The following APH1B variants were observed in gnomAD, a reference collection of about 807,000 sequenced individuals.
APH1B encodes aph-1B gamma-secretase subunit.
A neutral mutation model predicts 28.2 loss-of-function variants in APH1B; 27 were observed. The ratio of observed to expected loss-of-function variants is 0.96; its 90% CI spans 0.70 to 1.32. APH1B has a LOEUF of 1.32. Ranked by LOEUF, APH1B falls within the 40% of genes most tolerant of loss-of-function variation. The pLI is 0.00. For synonymous variants in APH1B, 141 were observed against 124.6 expected (o/e 1.13, Z -0.88); for missense variants, 305 against 313.6 (o/e 0.97, Z 0.21).
intron 1 of APH1B, 80 bp from the exon 2 acceptor site, chr15:63,279,080 GT>G (rs35859954): frequency 0.038 from 34,842 of 910,294 alleles, 2 homozygotes; most frequent in Non-Finnish European, 0.042. Context: ...TCTCAAGCAG[GT>G]TTTTTTTTTT....
At chr15:63,302,322 A>T (rs1340388962) in intron 4 of APH1B, 23 bp from the exon 5 acceptor site, 1 of 1,612,186 alleles carries the variant, frequency 6.2e-7, no homozygotes, top group Non-Finnish European at 8.5e-7. Context: ...TAGGAGTGAC[A>T]CTAATGGTCG....
chr15:63,286,042 C>T lies in APH1B; in HGVS notation c.285-516C>T, dbSNP rs1032185423. 7.6e-4 allele frequency among the ~76,000 whole-genome samples: 116 copies of T among 152,158 alleles called. 1 individual carries two copies. The highest frequency in any genetic ancestry group is 1.9e-4 in the East Asian group (1 of 5,206). ...TTGGTAGGCAGCTTCTTTAACAAAT[C>T]GCTGCCTGAAGTGGACTCTGAAGGA... On this transcript the variant is annotated intron_variant, in intron 2 of 5. Transcript: ENST00000261879.
chr15:63,297,116 T>G (rs2038576626), intron 4 of APH1B, among the ~76,000 whole-genome samples: 1 of 152,374 alleles, frequency 6.6e-6, no homozygotes, highest in African/African-American at 2.4e-5. Context: ...TTATTCCGCT[T>G]TCTGATTAAT....
chr15:63,298,355 T>C (rs373094219), intron 4 of APH1B, among the ~76,000 whole-genome samples: 1 of 152,132 alleles, frequency 6.6e-6, no homozygotes, highest in African/African-American at 2.4e-5. Flanking sequence ...AAACTACAGC[T>C]GCACACTGCC....
intron 3 of APH1B, 182 bp from the exon 4 acceptor site, chr15:63,287,242 C>A: frequency 1.5e-6 from 1 of 686,232 alleles, no homozygotes; most frequent in Non-Finnish European, 2.4e-6. Flanking sequence ...TTCCTCTTCC[C>A]GCTTCCCTCT....
At chr15:63,295,517 AGAGCCTTCTCAG>A (rs2038556173) in intron 4 of APH1B, among the ~76,000 whole-genome samples, 1 of 152,250 alleles carries the variant, frequency 6.6e-6, no homozygotes, top group African/African-American at 2.4e-5. Context: ...GGTTCTTCAA[AGAGCCTTCTCAG>A]GATCAGTGAG....
rs141237680 is a variant in APH1B at position 63,299,594 on chromosome 15, C to T, written c.479-2751C>T. Among the ~76,000 whole-genome samples the T allele has an allele frequency of 2.0e-3, 306 of 152,066 alleles. 1 individual carries two copies. Among genetic ancestry groups the T allele is most frequent in the African/African-American group, 7.0e-3 (292 of 41,482 alleles). On this transcript the variant is annotated intron_variant, in intron 4 of 5. Transcript: ENST00000261879. ...TAATTTTTTGTATTTTTAGTACAGA[C>T]GGGGTTTTACCGTGTTAGCCAGGAT...
rs199721473 is a variant in APH1B at position 63,305,997 on chromosome 15, A to G, written c.*216A>G. ...GCACGAGAATCACCTGGGACAGTGT[A>G]AAGCCGACTGATTCTGGGCTCCACC... On this transcript the variant is annotated 3_prime_UTR_variant, in exon 6 of 6. Transcript: ENST00000261879. The G allele has an allele frequency of 9.3e-5, 52 of 556,166 alleles. No individual in the cohort carries two copies. The highest frequency in any genetic ancestry group is 7.5e-5 in the Admixed American group (2 of 26,560). The allele number at this position is 556,166 out of a possible 1,614,324, so 34.5% of individuals were successfully genotyped here. A position where few individuals can be genotyped will look rare whatever the true frequency, so the allele number is the denominator to read the frequency against.
At chr15:63,278,191 C>A in intron 1 of APH1B, 1 of 417,784 alleles carries the variant, frequency 2.4e-6, no homozygotes, top group South Asian at 1.7e-5. Context: ...ATGCCCACCC[C>A]CACCCCGATC....
chr15:63,300,601 G>C (rs1037930761), intron 4 of APH1B, among the ~76,000 whole-genome samples: 1 of 152,100 alleles, frequency 6.6e-6, no homozygotes, highest in Non-Finnish European at 1.5e-5. Flanking sequence ...CCTTTTCCGG[G>C]GTCATCACCG....
intron 2 of APH1B, among the ~76,000 whole-genome samples, chr15:63,280,145 T>C (rs2038370348): frequency 6.6e-6 from 1 of 152,182 alleles, no homozygotes. Context: ...ATTTTGACTT[T>C]AGTAGGGGAA....
intron 4 of APH1B, among the ~76,000 whole-genome samples, chr15:63,288,260 G>C (rs531718414): frequency 6.6e-6 from 1 of 152,084 alleles, no homozygotes; most frequent in South Asian, 2.1e-4. Flanking sequence ...AGCTCCTCAG[G>C]GAGCTTATCC....
chr15:63,281,017 T>A lies in APH1B; in HGVS notation c.284+1686T>A, dbSNP rs183203531. On this transcript the variant is annotated intron_variant, in intron 2 of 5. Transcript: ENST00000261879. ...TACAAAAATTAACTGGGCATAGTGG[T>A]CCCAGCTCCTCGGGAGGTTGAGGTG... Among the ~76,000 whole-genome samples, 58 of 152,054 alleles carry A rather than the reference T, an allele frequency of 3.8e-4. 1 individual carries two copies. Among genetic ancestry groups the A allele is most frequent in the Admixed American group, 9.2e-4 (14 of 15,244 alleles).
chr15:63,291,432 T>C (rs1408929901), intron 4 of APH1B, among the ~76,000 whole-genome samples: 1 of 152,216 alleles, frequency 6.6e-6, no homozygotes, highest in Non-Finnish European at 1.5e-5. Context: ...GCTTTTAAAC[T>C]TTTTAGCCAC....
At chr15:63,277,799 C>A in intron 1 of APH1B, 63 bp downstream of exon 1, 3 of 1,485,386 alleles carry the variant, frequency 2.0e-6, no homozygotes, top group South Asian at 1.2e-5. Context: ...GGGTTACCCG[C>A]GACCCTCGGC....
At position 63,305,582 on chromosome 15, in the gene APH1B, A is replaced by G. The variant is rs569498933; in HGVS notation, c.607-32A>G. Reference sequence around the variant, plus strand: ...CCACATGTTTAATAAGCTTGCTGTTATTACCCAAGCTGATTTATTTTTCTT... The same window carrying G: ...CCACATGTTTAATAAGCTTGCTGTTGTTACCCAAGCTGATTTATTTTTCTT... On this transcript the variant is annotated intron_variant, in intron 5 of 5. Transcript: ENST00000261879. 137 of 1,607,182 alleles carry G rather than the reference A, an allele frequency of 8.5e-5. 2 individuals carry two copies. The South Asian group carries it at 1.2e-3, about 14-fold the overall frequency.
Position 63,305,770 on chromosome 15 carries a change from C to T in APH1B, c.763C>T (p.Arg255Cys), listed in dbSNP as rs142676640. 1,157 of 1,613,902 alleles carry T rather than the reference C, an allele frequency of 7.2e-4. 3 individuals carry two copies. Among genetic ancestry groups the T allele is most frequent in the Non-Finnish European group, 8.9e-4 (1,053 of 1,179,966 alleles). The change falls in exon 6 of 6, where the codon CGC (arginine) becomes TGC (cysteine). Residue 255 changes from arginine (R) to cysteine (C), a missense_variant. Physicochemically the swap from Arg to Cys is radical, Grantham distance 180. Transcript: ENST00000261879. ...QDKNFLLYNQ[R>C]SR ...CAAGAACTTTCTTCTTTACAACCAG[C>T]GCTCCAGATAACCTCAGGGAACCAG...
chr15:63,279,062 C>A, intron 1 of APH1B, 99 bp from the exon 2 acceptor site: 1 of 974,522 alleles, frequency 1.0e-6, no homozygotes, highest in Non-Finnish European at 1.4e-6. Context: ...GTCAAGAAAT[C>A]TCTTCCTTCT....
intron 1 of APH1B, chr15:63,278,285 G>T (rs1198529307): frequency 4.4e-6 from 2 of 456,334 alleles, no homozygotes; most frequent in Non-Finnish European, 8.8e-6. Flanking sequence ...TGGTTCCGTT[G>T]TGCAGCCGAA....
Sources: allele counts gnomAD v4.1 joint callset (sites outside exome capture counted in the v4.1 genomes callset), GRCh38; gene constraint gnomAD v4.1.1; transcripts MANE v1.5; gene names NCBI Gene and HGNC (gene_info 2026-07-23, HGNC 2026-07-21).